ZNF565: variants seen among roughly 807,000 people sequenced by gnomAD.
The protein encoded by ZNF565 is zinc finger protein 565.
Under a neutral mutation model 39.4 loss-of-function variants are expected in ZNF565, and 27 were observed. That is an observed-to-expected ratio of 0.69 (90% CI 0.51 to 0.95). The LOEUF (loss-of-function observed/expected upper bound fraction) is 0.95, where lower values mean the gene tolerates loss of function less well. Ranked by LOEUF, ZNF565 falls within the 40% of genes least tolerant of loss-of-function variation. The pLI is 0.00. For missense variants in ZNF565, 524 were observed against 621.1 expected (o/e 0.84, Z 1.66); for synonymous variants, 185 against 216.6 (o/e 0.85, Z 1.28).
At chr19:36,198,078 G>T (rs929175092) in intron 2 of ZNF565, among the ~76,000 whole-genome samples, 4 of 151,926 alleles carry the variant, frequency 2.6e-5, no homozygotes, top group Non-Finnish European at 5.9e-5. Flanking sequence ...GAACCCAGGA[G>T]GCAGAGGTTG....
intron 4 of ZNF565, among the ~76,000 whole-genome samples, chr19:36,188,982 A>G (rs1248083990): frequency 1.3e-5 from 2 of 152,230 alleles, no homozygotes; most frequent in Non-Finnish European, 2.9e-5. Context: ...AGGCAAATTC[A>G]TACAGACAAA....
intron 4 of ZNF565, among the ~76,000 whole-genome samples, chr19:36,184,079 T>TAA (rs752744030): frequency 0.12 from 4,759 of 39,218 alleles, 978 homozygotes; most frequent in African/African-American, 0.23. Context: ...CTCTGTCTCA[T>TAA]AAAAAAAAAA....
At chr19:36,184,738 C>T (rs1196534261) in intron 4 of ZNF565, among the ~76,000 whole-genome samples, 1 of 152,180 alleles carries the variant, frequency 6.6e-6, no homozygotes, top group Non-Finnish European at 1.5e-5. Flanking sequence ...ATATTTTCAA[C>T]ACTTCCCACC....
chr19:36,224,580 GTA>G (rs1976993953), intron 1 of ZNF565, among the ~76,000 whole-genome samples: 1 of 152,096 alleles, frequency 6.6e-6, no homozygotes, highest in African/African-American at 2.4e-5. Flanking sequence ...TTACTTTGTG[GTA>G]TAGCTAGTCT....
Position 36,183,192 on chromosome 19 carries a change from C to G in ZNF565, c.774G>C (p.Lys258Asn). 1 of 1,614,132 alleles carries G rather than the reference C, an allele frequency of 6.2e-7. No homozygotes were observed. ...VKPYECKECGKTFRQHSQLIL... is the reference protein window; with the variant it reads ...VKPYECKECGNTFRQHSQLIL... ...TCAGCTGTGAATGCTGCCTAAAGGT[C>G]TTCCCACATTCTTTACATTCATAAG... Residue 258 changes from lysine to asparagine, a missense_variant, in exon 5 of 5, where the codon AAG becomes AAC. Coordinates refer to ENST00000304116, the MANE Select transcript of ZNF565 (RefSeq NM_152477.5).
At position 36,182,817 on chromosome 19, in the gene ZNF565, T is replaced by C. The variant is rs780035133; in HGVS notation, c.1149A>G (p.Arg383=). The C allele has an allele frequency of 1.9e-6, 3 of 1,614,158 alleles. No individual in the cohort carries two copies. Among genetic ancestry groups the C allele is most frequent in the East Asian group, 2.2e-5 (1 of 44,882 alleles). Residue 383 remains arginine (R), a synonymous_variant, in exon 5 of 5, where the codon AGA becomes AGG. Transcript: ENST00000304116. ...RQHAQLTRHQ[R]VHTGDRPYEC... ...CATAGGGTCTGTCGCCAGTATGGAC[T>C]CTCTGATGTCGTGTGAGCTGTGCGT...
intron 4 of ZNF565, among the ~76,000 whole-genome samples, chr19:36,192,771 A>T (rs1304389310): frequency 5.3e-5 from 8 of 150,052 alleles, no homozygotes; most frequent in Admixed American, 2.0e-4. Context: ...CAAAGTGCTG[A>T]GATTACAGGC....
upstream of ZNF565, among the ~76,000 whole-genome samples, chr19:36,218,623 G>A (rs1246236451): frequency 2.0e-5 from 3 of 151,526 alleles, no homozygotes; most frequent in Non-Finnish European, 4.4e-5. Flanking sequence ...CAGCCACCAC[G>A]CCTGGCTAAT....
intron 1 of ZNF565, among the ~76,000 whole-genome samples, chr19:36,225,191 G>C (rs939947225): frequency 6.6e-6 from 1 of 152,174 alleles, no homozygotes; most frequent in African/African-American, 2.4e-5. Context: ...GTCAGTGGGA[G>C]TGTGAGCAGA....
At position 36,240,604 on chromosome 19, in the gene ZNF565, C is replaced by T. The variant is rs1448126976; in HGVS notation, c.55+4872G>A. Among the ~76,000 whole-genome samples, 2 of 152,186 alleles carry T rather than the reference C, an allele frequency of 1.3e-5. 1 individual carries two copies. On this transcript the variant is annotated intron_variant, in intron 1 of 4. Coordinates refer to the ZNF565 transcript ENST00000355114. ...CATGAAGGGGCTGGTCGTGGTGGCT[C>T]ACACCTGTAATCTCAGCACTCTGGG...
At chr19:36,230,238 T>C (rs1977268496) in intron 1 of ZNF565, among the ~76,000 whole-genome samples, 1 of 152,258 alleles carries the variant, frequency 6.6e-6, no homozygotes, top group South Asian at 2.1e-4. Context: ...TAAACCCATT[T>C]ACGTTTCTAC....
chr19:36,182,805 G>A lies in ZNF565; in HGVS notation c.1161C>T (p.Gly387=), dbSNP rs745721434. The change falls in exon 5 of 5, where the codon GGC becomes GGT. Residue 387 remains glycine (G), a synonymous_variant. Coordinates refer to ENST00000304116, the MANE Select transcript of ZNF565 (RefSeq NM_152477.5). ...AGTCCTTACATTCATAGGGTCTGTC[G>A]CCAGTATGGACTCTCTGATGTCGTG... ...QLTRHQRVHT[G]DRPYECKDCG... 8 of 1,613,780 alleles carry A rather than the reference G, an allele frequency of 5.0e-6. No homozygotes were observed. The highest frequency in any genetic ancestry group is 1.1e-5 in the South Asian group (1 of 91,070).
At chr19:36,233,790 C>T (rs1272804949) in intron 1 of ZNF565, among the ~76,000 whole-genome samples, 3 of 152,224 alleles carry the variant, frequency 2.0e-5, no homozygotes, top group African/African-American at 7.2e-5. Context: ...ATGGAATATA[C>T]AATCCAGCTT....
At chr19:36,224,315 G>A (rs958820960) in intron 1 of ZNF565, among the ~76,000 whole-genome samples, 1 of 152,188 alleles carries the variant, frequency 6.6e-6, no homozygotes, top group Non-Finnish European at 1.5e-5. Flanking sequence ...TAGGAGGGCG[G>A]AGGTTGCAGT....
At chr19:36,190,812 C>A (rs1827523485) in intron 4 of ZNF565, among the ~76,000 whole-genome samples, 1 of 151,156 alleles carries the variant, frequency 6.6e-6, no homozygotes, top group Non-Finnish European at 1.5e-5. Flanking sequence ...GCCAACATGG[C>A]GAAATCCTGT....
chr19:36,195,178 T>C, intron 2 of ZNF565, 22 bp from the exon 3 acceptor site: 3 of 1,587,240 alleles, frequency 1.9e-6, no homozygotes, highest in Non-Finnish European at 2.6e-6. Context: ...AACCCACGCA[T>C]TAGTGTACAT....
At chr19:36,191,936 A>G (rs554097195) in intron 4 of ZNF565, among the ~76,000 whole-genome samples, 1 of 152,138 alleles carries the variant, frequency 6.6e-6, no homozygotes, top group African/African-American at 2.4e-5. Context: ...TCAATTACGG[A>G]TGGAAACTTC....
At chr19:36,238,100 A>G (rs576452010) in intron 1 of ZNF565, 2 of 167,242 alleles carry the variant, frequency 1.2e-5, no homozygotes, top group South Asian at 4.1e-4. Flanking sequence ...GAGAAAGCCC[A>G]TCACGAACAA....
At chr19:36,205,861 C>A (rs541709851) in intron 1 of ZNF565, among the ~76,000 whole-genome samples, 1 of 152,128 alleles carries the variant, frequency 6.6e-6, no homozygotes, top group South Asian at 2.1e-4. Context: ...AGTCAGAATT[C>A]TTTCATATTT....
Sources: allele counts gnomAD v4.1 joint callset (sites outside exome capture counted in the v4.1 genomes callset), GRCh38; gene constraint gnomAD v4.1.1; transcripts MANE v1.5; gene names NCBI Gene and HGNC (gene_info 2026-07-23, HGNC 2026-07-21).